The following CTNND2 variants were observed in gnomAD, a reference collection of about 807,000 sequenced individuals.
The protein encoded by CTNND2 is catenin delta-2.
A neutral mutation model predicts 144.4 loss-of-function variants in CTNND2; 22 were observed. The ratio of observed to expected loss-of-function variants is 0.15; its 90% CI spans 0.11 to 0.22. The LOEUF is 0.22. CTNND2 is among the 10% of genes least tolerant of loss of function. CTNND2 has a pLI of 1.00. For synonymous variants in CTNND2, 751 were observed against 695.6 expected (o/e 1.08, Z -1.25); for missense variants, 1,353 against 1,618.8 (o/e 0.84, Z 2.82).
intron 2 of CTNND2, among the ~76,000 whole-genome samples, chr5:11,728,782 T>C (rs1787163458): frequency 1.3e-5 from 2 of 152,160 alleles, no homozygotes; most frequent in African/African-American, 4.8e-5. Context: ...ACTAAAGAGT[T>C]TCCTGAAATT....
chr5:11,728,652 T>G (rs1446716891), intron 2 of CTNND2, among the ~76,000 whole-genome samples: 1 of 152,168 alleles, frequency 6.6e-6, no homozygotes, highest in Non-Finnish European at 1.5e-5. Flanking sequence ...TTATAATGAT[T>G]GTGAAACTAA....
At chr5:11,150,617 C>CTT (rs10602477) in intron 12 of CTNND2, among the ~76,000 whole-genome samples, 791 of 72,052 alleles carry the variant, frequency 0.011, 41 homozygotes, top group African/African-American at 0.042. Context: ...CTGCTGCCTT[C>CTT]TTTTTTTTTT....
intron 2 of CTNND2, among the ~76,000 whole-genome samples, chr5:11,622,540 G>T (rs77574008): frequency 7.0e-4 from 107 of 152,162 alleles, no homozygotes; most frequent in African/African-American, 2.6e-3. Flanking sequence ...TGATTTGGTC[G>T]TATTCCAAAC....
intron 21 of CTNND2, among the ~76,000 whole-genome samples, chr5:10,980,097 A>G (rs1016752607): frequency 1.3e-5 from 2 of 152,338 alleles, no homozygotes; most frequent in South Asian, 2.1e-4. Flanking sequence ...AAAAGAAACT[A>G]TCATCAGAGT....
intron 14 of CTNND2, among the ~76,000 whole-genome samples, chr5:11,105,526 C>T (rs1460646877): frequency 2.1e-5 from 3 of 141,354 alleles, no homozygotes; most frequent in Middle Eastern, 3.6e-3. Flanking sequence ...GTGCCGAAGC[C>T]GAGAGGCCCT....
At chr5:11,202,379 C>T (rs893732711) in intron 10 of CTNND2, among the ~76,000 whole-genome samples, 1 of 151,988 alleles carries the variant, frequency 6.6e-6, no homozygotes, top group Non-Finnish European at 1.5e-5. Flanking sequence ...ATGCCATATA[C>T]CCAAATTTAT....
chr5:11,371,640 CTATT>C (rs1461506822), intron 7 of CTNND2, among the ~76,000 whole-genome samples: 1 of 152,138 alleles, frequency 6.6e-6, no homozygotes, highest in Non-Finnish European at 1.5e-5. Context: ...CTTAAATTTG[CTATT>C]TAAAGGGCCC....
intron 11 of CTNND2, among the ~76,000 whole-genome samples, chr5:11,196,528 T>TA (rs1736871507): frequency 6.6e-6 from 1 of 152,208 alleles, no homozygotes; most frequent in Non-Finnish European, 1.5e-5. Context: ...GGGGTATAGT[T>TA]CTTACACTTA....
intron 19 of CTNND2, among the ~76,000 whole-genome samples, chr5:10,989,831 G>A (rs188795090): frequency 6.0e-4 from 92 of 152,292 alleles, no homozygotes; most frequent in African/African-American, 2.1e-3. Flanking sequence ...CCCAACAGAC[G>A]TTACAGCCAA....
At position 10,981,774 on chromosome 5, in the gene CTNND2, T is replaced by C. The variant is rs764766060; in HGVS notation, c.3416A>G (p.Gln1139Arg). 4 of 1,612,922 alleles carry C rather than the reference T, an allele frequency of 2.5e-6. No individual in the cohort carries two copies. In the East Asian group the frequency reaches 6.7e-5, roughly 27 times the overall value. ...GAPAEDIKHN[Q>R]VSAQPVPQEP... The stretch of plus-strand genomic sequence containing the variant: ...ACAAACGTGTTGCATTTACTTTACC[T>C]GGTTGTGTTTGATGTCTTCAGCGGG... The change falls in exon 21 of 22, where the codon CAG becomes CGG. Residue 1139 changes from glutamine to arginine, a missense_variant and splice_region_variant. By Grantham distance (43) the Gln-to-Arg change is conservative. Transcript: ENST00000304623.
chr5:11,353,223 T>G (rs929888627), intron 8 of CTNND2, among the ~76,000 whole-genome samples: 2 of 152,190 alleles, frequency 1.3e-5, no homozygotes, highest in Non-Finnish European at 2.9e-5. Flanking sequence ...ACAGCCTACA[T>G]GGCAGGTACT....
chr5:11,368,711 G>A (rs1178484683), intron 7 of CTNND2, among the ~76,000 whole-genome samples: 1 of 152,160 alleles, frequency 6.6e-6, no homozygotes, highest in African/African-American at 2.4e-5. Flanking sequence ...GCTGTTTCTT[G>A]TGTCACTTTT....
At chr5:11,293,270 G>T (rs1315917048) in intron 9 of CTNND2, among the ~76,000 whole-genome samples, 1 of 152,160 alleles carries the variant, frequency 6.6e-6, no homozygotes, top group Non-Finnish European at 1.5e-5. Flanking sequence ...CAGGGACAAT[G>T]TTATACAGGT....
At chr5:11,793,023 T>A (rs1203047801) in intron 1 of CTNND2, among the ~76,000 whole-genome samples, 3 of 152,376 alleles carry the variant, frequency 2.0e-5, no homozygotes, top group African/African-American at 7.2e-5. Context: ...ATGCTTTAGA[T>A]GGCTAAAAAT....
At chr5:11,248,265 T>C (rs1743208547) in intron 9 of CTNND2, among the ~76,000 whole-genome samples, 1 of 152,090 alleles carries the variant, frequency 6.6e-6, no homozygotes, top group African/African-American at 2.4e-5. Context: ...ATCAGAATTT[T>C]GCCTCAGGAT....
At chr5:11,638,486 T>C (rs1002618845) in intron 2 of CTNND2, among the ~76,000 whole-genome samples, 4 of 152,220 alleles carry the variant, frequency 2.6e-5, no homozygotes, top group African/African-American at 9.6e-5. Flanking sequence ...ACATATTTCA[T>C]TCTCTGGTTC....
At chr5:11,540,645 G>T (rs1020335268) in intron 3 of CTNND2, among the ~76,000 whole-genome samples, 3 of 152,140 alleles carry the variant, frequency 2.0e-5, no homozygotes, top group African/African-American at 7.2e-5. Flanking sequence ...GAGTAGCTGG[G>T]ACTACAGGCG....
intron 9 of CTNND2, among the ~76,000 whole-genome samples, chr5:11,322,021 G>A (rs780849133): frequency 1.3e-5 from 2 of 152,118 alleles, no homozygotes; most frequent in Admixed American, 6.5e-5. Flanking sequence ...GCCACACAAC[G>A]CCTCTGGTGG....
intron 16 of CTNND2, among the ~76,000 whole-genome samples, chr5:11,067,508 T>C (rs975058025): frequency 6.6e-6 from 1 of 152,150 alleles, no homozygotes; most frequent in Non-Finnish European, 1.5e-5. Context: ...AGGATCAGGT[T>C]CTTAGGTCCC....
Sources: gnomAD v4.1 joint callset for allele counts (sites outside exome capture counted in the v4.1 genomes callset) on GRCh38, gnomAD v4.1.1 for gene constraint, MANE v1.5 for transcripts, NCBI Gene and HGNC (gene_info 2026-07-23, HGNC 2026-07-21) for gene names.